The following CHD5 variants were observed in gnomAD, a reference collection of about 807,000 sequenced individuals.
CHD5 encodes ATP-dependent chromatin remodeler CHD5.
Under a neutral mutation model 230.3 loss-of-function variants are expected in CHD5, and 69 were observed. That is an observed-to-expected ratio of 0.30 (90% CI 0.25 to 0.37). The LOEUF is 0.37. Among genes scored for constraint, CHD5 ranks in the 10% least tolerant of loss-of-function variants. CHD5 has a pLI of 1.00. For missense variants in CHD5, 1,827 were observed against 2,622.8 expected (o/e 0.70, Z 6.63); for synonymous variants, 1,064 against 1,065.9 (o/e 1.00, Z 0.03).
intron 33 of CHD5, among the ~76,000 whole-genome samples, chr1:6,116,012 C>T (rs1666373095): frequency 6.6e-6 from 1 of 152,284 alleles, no homozygotes; most frequent in South Asian, 2.1e-4. Flanking sequence ...AAAAAAGAAG[C>T]AAAAGATATG....
intron 7 of CHD5, 133 bp from the exon 8 acceptor site, chr1:6,149,545 T>G: frequency 1.3e-6 from 1 of 770,832 alleles, no homozygotes; most frequent in South Asian, 2.9e-5. Context: ...GGTGGGTGAA[T>G]AGACTGATGG....
rs1379091474 is a variant in CHD5 at position 6,105,382 on chromosome 1, G to A, written c.*92C>T. Reference sequence around the variant, plus strand: ...GGCGCTGGCTCCTAAAAAGGTGGCAGCTTTTCTCTCCCATGTGGGTCGGGC... The same window carrying A: ...GGCGCTGGCTCCTAAAAAGGTGGCAACTTTTCTCTCCCATGTGGGTCGGGC... On this transcript the variant is annotated 3_prime_UTR_variant, in exon 42 of 42. Transcript: ENST00000262450. This position sits in a 1 kb window ranked among gnomAD's most constrained non-coding sequence, Gnocchi z 4.8. 2.1e-6 allele frequency: 1 copy of A among 470,492 alleles called. No individual in the cohort carries two copies. The allele number at this position is 470,492 out of a possible 1,614,324, so 29.1% of individuals were successfully genotyped here. A position where few individuals can be genotyped will look rare whatever the true frequency, so the allele number is the denominator to read the frequency against.
intron 1 of CHD5, among the ~76,000 whole-genome samples, chr1:6,173,803 G>A (rs956683891): frequency 4.6e-5 from 7 of 152,190 alleles, no homozygotes; most frequent in Non-Finnish European, 1.0e-4. Flanking sequence ...GCTGGCCAAG[G>A]AGTTCTCAGG....
At position 6,136,749 on chromosome 1, in the gene CHD5, G is replaced by C; in HGVS notation, c.2553C>G (p.Arg851=). Residue 851 remains arginine, a synonymous_variant, in exon 16 of 42, where the codon CGC becomes CGG. Transcript: ENST00000262450. ...CTACCTTGGACTGGTTGTTCTTGAG[G>C]CGGTGGGCCTCATCTACCACCAGGC... ...WACLVVDEAH[R]LKNNQSKFFR... 1 of 1,612,592 alleles carries C rather than the reference G, an allele frequency of 6.2e-7. No homozygotes were observed. Among genetic ancestry groups the C allele is most frequent in the Non-Finnish European group, 8.5e-7 (1 of 1,178,870 alleles).
chr1:6,127,549 G>A (rs1373258983), intron 25 of CHD5, among the ~76,000 whole-genome samples: 5 of 152,140 alleles, frequency 3.3e-5, no homozygotes, highest in Non-Finnish European at 7.4e-5. Context: ...GTGCAGGGCC[G>A]AGATGCAGGC....
Position 6,131,543 on chromosome 1 carries a change from C to G in CHD5, c.3262+88G>C. 1.3e-6 allele frequency: 1 copy of G among 760,170 alleles called. No individual in the cohort carries two copies. The allele number at this position is 760,170 out of a possible 1,614,324, so 47.1% of individuals were successfully genotyped here. ...GTTTGTGAGGCTGCTCAACACAACA[C>G]CAGCTGGGTGACCTGGCTAAGAACC... On this transcript the variant is annotated intron_variant, in intron 21 of 41. Transcript: ENST00000262450. This position sits in a 1 kb window ranked among gnomAD's most constrained non-coding sequence, Gnocchi z 5.0.
Position 6,101,909 on chromosome 1 carries a change from C to T in CHD5, c.*3565G>A, listed in dbSNP as rs190357907. ...CAGCCTCCCGTGGGCGAAGACCAGACAAGCCACGGCTCACAGGGGAGCCTG... is the reference window on the plus strand; with the variant it reads ...CAGCCTCCCGTGGGCGAAGACCAGATAAGCCACGGCTCACAGGGGAGCCTG... On this transcript the variant is annotated 3_prime_UTR_variant, in exon 42 of 42. Coordinates refer to ENST00000262450, the MANE Select transcript of CHD5 (RefSeq NM_015557.3). 3.8e-4 allele frequency: 127 copies of T among 330,982 alleles called. No individual in the cohort carries two copies. The highest frequency in any genetic ancestry group is 2.5e-3 in the African/African-American group (108 of 43,360). The allele number at this position is 330,982 out of a possible 1,614,324, so 20.5% of individuals were successfully genotyped here.
chr1:6,101,976 TG>T lies in CHD5; in HGVS notation c.*3497del. On this transcript the variant is annotated 3_prime_UTR_variant, in exon 42 of 42. Transcript: ENST00000262450. ...CCGCCCCCGCCGGGGCCACCCTGGCTGGGACTCCTGGCGCGCCTTGCACCCA... is the reference window on the plus strand; with the variant it reads ...CCGCCCCCGCCGGGGCCACCCTGGCTGGACTCCTGGCGCGCCTTGCACCCA... 2.4e-6 allele frequency: 1 copy of T among 424,686 alleles called. No homozygotes were observed. Among genetic ancestry groups the T allele is most frequent in the Non-Finnish European group, 4.8e-6 (1 of 208,904 alleles). 26.3% of individuals were successfully genotyped at this position (424,686 alleles called of 1,614,324 possible). A position where few individuals can be genotyped will look rare whatever the true frequency, so the allele number is the denominator to read the frequency against.
chr1:6,178,182 GC>G (rs1357374744), intron 1 of CHD5, among the ~76,000 whole-genome samples: 1 of 152,080 alleles, frequency 6.6e-6, no homozygotes, highest in Non-Finnish European at 1.5e-5. Flanking sequence ...AGGCTCTGGG[GC>G]CAACCCACCG....
At position 6,142,965 on chromosome 1, in the gene CHD5, A is replaced by C. The variant is rs1666850531; in HGVS notation, c.2044-360T>G. Among the ~76,000 whole-genome samples, 1 of 151,914 alleles carries C rather than the reference A, an allele frequency of 6.6e-6. No homozygotes were observed. The highest frequency in any genetic ancestry group is 1.5e-5 in the Non-Finnish European group (1 of 68,004). On this transcript the variant is annotated intron_variant, in intron 13 of 41. Transcript: ENST00000262450. This position sits in a 1 kb window ranked among gnomAD's most constrained non-coding sequence, Gnocchi z 5.2. Reference sequence around the variant, plus strand: ...CAGTGCCTGGGACATGTGGTCACTTACTCACCATTTTTTGGATGAACAACA... The same window carrying C: ...CAGTGCCTGGGACATGTGGTCACTTCCTCACCATTTTTTGGATGAACAACA...
intron 2 of CHD5, among the ~76,000 whole-genome samples, chr1:6,161,942 G>A (rs544609419): frequency 2.8e-4 from 42 of 152,242 alleles, no homozygotes; most frequent in Admixed American, 7.8e-4. Flanking sequence ...ATCCTACGTG[G>A]CCTGCCAGTG....
At position 6,134,152 on chromosome 1, in the gene CHD5, C is replaced by A. The variant is rs1038476616; in HGVS notation, c.3120G>T (p.Gly1040=). Reference sequence around the variant, plus strand: ...CCTGGGAGAAGATGAGCACACGGTGCCCCTCATCCCGCAGTTTCTTCAGCA... The same window carrying A: ...CCTGGGAGAAGATGAGCACACGGTGACCCTCATCCCGCAGTTTCTTCAGCA... ...QKMLKKLRDE[G]HRVLIFSQMT... is the part of the protein sequence containing the mutation. The change falls in exon 20 of 42, where the codon GGG becomes GGT. Residue 1040 remains glycine (G), a synonymous_variant. Transcript: ENST00000262450. The surrounding 1 kb of genome is among the most constrained non-coding windows in gnomAD (Gnocchi z 6.3). 6.2e-7 allele frequency: 1 copy of A among 1,613,424 alleles called. No homozygotes were observed. Among genetic ancestry groups the A allele is most frequent in the African/African-American group, 1.3e-5 (1 of 75,038 alleles).
In CHD5 at chr1:6,136,802, C is replaced by T. The variant is rs1291029530; in HGVS notation, c.2500G>A (p.Ala834Thr). Residue 834 changes from alanine to threonine, a missense_variant, in exon 16 of 42, where the codon GCC becomes ACC. Transcript: ENST00000262450. ...GCCCACTCGATGGAGCCCAGGATGG[C>T]CTGGTCAATGGTGATGAGCTCATAG... is the stretch of plus-strand genomic sequence containing the variant. ...TSYELITIDQ[A>T]ILGSIEWACL... is the part of the protein sequence containing the mutation. 6.2e-7 allele frequency: 1 copy of T among 1,613,852 alleles called. No individual in the cohort carries two copies. The highest frequency in any genetic ancestry group is 8.5e-7 in the Non-Finnish European group (1 of 1,179,798).
chr1:6,107,553 A>AAGGGATGATGGAGAGATAAAGGATGT (rs1557534306), intron 38 of CHD5, among the ~76,000 whole-genome samples: 10 of 128,698 alleles, frequency 7.8e-5, no homozygotes, highest in African/African-American at 3.0e-4. Flanking sequence ...AGGGATAATG[A>AAGGGATGATGGAGAGATAAAGGATGT]AGGGATGATG....
chr1:6,169,016 CA>C (rs796551533), intron 1 of CHD5, among the ~76,000 whole-genome samples: 6,404 of 98,666 alleles, frequency 0.065, 342 homozygotes, highest in African/African-American at 0.16. Flanking sequence ...GAGACTCCAT[CA>C]AAAAAAAAAA....
intron 15 of CHD5, among the ~76,000 whole-genome samples, chr1:6,140,225 C>T (rs1433389432): frequency 6.6e-6 from 1 of 152,062 alleles, no homozygotes; most frequent in African/African-American, 2.4e-5. Flanking sequence ...ACATGTGAAA[C>T]CCAGTCTCTG....
chr1:6,136,418 G>A (rs374674780), intron 17 of CHD5, 99 bp downstream of exon 17: 92 of 1,392,950 alleles, frequency 6.6e-5, no homozygotes, highest in African/African-American at 5.3e-4. Flanking sequence ...AGGAAGCAAC[G>A]GCCGAGCAGG....
At chr1:6,152,380 GCA>G (rs910819132) in intron 6 of CHD5, 30 bp downstream of exon 6, 8 of 1,597,434 alleles carry the variant, frequency 5.0e-6, no homozygotes, top group Non-Finnish European at 6.0e-6. Context: ...GCATGCAAAT[GCA>G]CACACACGCG....
chr1:6,155,012 A>C lies in CHD5; in HGVS notation c.507-114T>G, dbSNP rs1571164289. On this transcript the variant is annotated intron_variant, in intron 4 of 41. Transcript: ENST00000262450. The surrounding 1 kb of genome is among the most constrained non-coding windows in gnomAD (Gnocchi z 4.0). Reference sequence around the variant, plus strand: ...ATGTGCGATCTATGGCAGCAGCCCCAGGTTCCTGATTAGAGAGATTAGGCG... The same window carrying C: ...ATGTGCGATCTATGGCAGCAGCCCCCGGTTCCTGATTAGAGAGATTAGGCG... 1 of 953,870 alleles carries C rather than the reference A, an allele frequency of 1.0e-6. No individual in the cohort carries two copies. The highest frequency in any genetic ancestry group is 1.6e-6 in the Non-Finnish European group (1 of 643,372). 59.1% of individuals were successfully genotyped at this position (953,870 alleles called of 1,614,324 possible). A position where few individuals can be genotyped will look rare whatever the true frequency, so the allele number is the denominator to read the frequency against.
Sources: gnomAD v4.1 joint callset for allele counts (sites outside exome capture counted in the v4.1 genomes callset) on GRCh38, gnomAD v4.1.1 for gene constraint, Gnocchi (gnomAD v3.1) non-coding constraint, MANE v1.5 for transcripts, NCBI Gene and HGNC (gene_info 2026-07-23, HGNC 2026-07-21) for gene names.